The following FRMD4A variants were observed in gnomAD, a reference collection of about 807,000 sequenced individuals.
The protein encoded by FRMD4A is FERM domain containing 4A.
A neutral mutation model predicts 129.1 loss-of-function variants in FRMD4A; 29 were observed. The ratio of observed to expected loss-of-function variants is 0.22; its 90% CI spans 0.17 to 0.31. The LOEUF is 0.31. Ranked by LOEUF, FRMD4A falls within the 10% of genes least tolerant of loss-of-function variation. The pLI is 1.00. For missense variants in FRMD4A, 1,272 were observed against 1,375.8 expected, an observed-to-expected ratio of 0.92 and a Z score of 1.19; for synonymous variants, 634 against 571.6, an observed-to-expected ratio of 1.11 and a Z score of -1.56.
intron 5 of FRMD4A, among the ~76,000 whole-genome samples, chr10:13,790,456 G>A (rs1255811144): frequency 6.6e-6 from 1 of 152,196 alleles, no homozygotes; most frequent in East Asian, 1.9e-4. Context: ...TGCAGGGAGA[G>A]AAGACAAGCA....
At chr10:14,008,290 GAA>G (rs1335203862) in intron 2 of FRMD4A, 3 of 1,037,348 alleles carry the variant, frequency 2.9e-6, no homozygotes, top group Non-Finnish European at 3.5e-6. Context: ...TCAAATAACT[GAA>G]AGAGTTTTTC....
rs1035069418 is a variant in FRMD4A, at chr10:13,679,870, C to T, written c.1118-4826G>A. Among the ~76,000 whole-genome samples, 12 of 152,082 alleles carry T rather than the reference C, an allele frequency of 7.9e-5. No homozygotes were observed. The South Asian group carries it at 8.3e-4, about 10-fold the overall frequency. ...AGAGGTGGCCGAGTGCCCAGTGACA[C>T]GGACACACCAGCAACATTCCACAGA... On this transcript the variant is annotated intron_variant, in intron 15 of 24. Coordinates refer to ENST00000357447, the MANE Select transcript of FRMD4A (RefSeq NM_018027.5).
intron 2 of FRMD4A, among the ~76,000 whole-genome samples, chr10:13,919,342 T>C (rs1189576913): frequency 6.6e-6 from 1 of 152,214 alleles, no homozygotes; most frequent in Non-Finnish European, 1.5e-5. Flanking sequence ...TAGATGCCTA[T>C]ATTTTCCAAT....
intron 2 of FRMD4A, among the ~76,000 whole-genome samples, chr10:13,982,500 G>T (rs565949309): frequency 1.2e-3 from 160 of 130,206 alleles, no homozygotes; most frequent in Non-Finnish European, 2.1e-3. Flanking sequence ...GGAGGGGAGG[G>T]GGGGGAAGGG....
chr10:14,136,695 C>T lies in FRMD4A; in HGVS notation c.45+193363G>A, dbSNP rs113981063. On this transcript the variant is annotated intron_variant, in intron 2 of 24. Coordinates refer to ENST00000357447, the MANE Select transcript of FRMD4A (RefSeq NM_018027.5). ...CATCCCCACCCGCTTCCAGTTGTCT[C>T]GCCTTTCCTGGCTGAACCAATGTAC... 1.9e-4 allele frequency among the ~76,000 whole-genome samples: 28 copies of T among 150,776 alleles called. 1 individual carries two copies. The highest frequency in any genetic ancestry group is 6.5e-4 in the African/African-American group (27 of 41,308).
intron 2 of FRMD4A, among the ~76,000 whole-genome samples, chr10:13,931,094 C>A (rs768740145): frequency 6.6e-6 from 1 of 152,192 alleles, no homozygotes; most frequent in Admixed American, 6.5e-5. Context: ...TTCAGCCTCC[C>A]AAAGCCTTTG....
At chr10:14,199,484 G>C (rs1046186831) in intron 2 of FRMD4A, among the ~76,000 whole-genome samples, 2 of 151,648 alleles carry the variant, frequency 1.3e-5, no homozygotes, top group African/African-American at 4.8e-5. Flanking sequence ...CCACCTCCCG[G>C]GCTCAAGCAA....
At position 14,330,880 on chromosome 10, in the gene FRMD4A, C is replaced by T. The variant is rs1162666748; in HGVS notation, c.-365G>A. On this transcript the variant is annotated 5_prime_UTR_variant, in exon 1 of 25. Coordinates refer to ENST00000357447, the MANE Select transcript of FRMD4A (RefSeq NM_018027.5). ...GGAATTGCACTGCCTGTTCTGTGAG[C>T]GTTCTGATCTCCCTGGCTGTACCAC... The T allele has an allele frequency of 7.5e-6, 3 of 398,678 alleles. No individual in the cohort carries two copies. Among genetic ancestry groups the T allele is most frequent in the East Asian group, 3.6e-5 (1 of 28,064 alleles). 24.7% of individuals were successfully genotyped at this position (398,678 alleles called of 1,614,324 possible).
chr10:13,954,820 CTGG>C (rs2095398881), intron 2 of FRMD4A, among the ~76,000 whole-genome samples: 2 of 152,236 alleles, frequency 1.3e-5, no homozygotes, highest in South Asian at 4.1e-4. Flanking sequence ...TTTCAGAGTG[CTGG>C]TGTTTGGTGC....
intron 2 of FRMD4A, among the ~76,000 whole-genome samples, chr10:14,283,723 G>A (rs1845593580): frequency 6.6e-6 from 1 of 152,276 alleles, no homozygotes; most frequent in African/African-American, 2.4e-5. Flanking sequence ...CAACAACTTT[G>A]TTATTTTGCA....
At chr10:13,884,144 T>TCACCCACACACA (rs773933481) in intron 2 of FRMD4A, among the ~76,000 whole-genome samples, 1 of 105,098 alleles carries the variant, frequency 9.5e-6, no homozygotes, top group African/African-American at 4.1e-5. Flanking sequence ...TCACACACAC[T>TCACCCACACACA]CTCACACACT....
chr10:13,684,623 C>T (rs973422850), intron 15 of FRMD4A: 6 of 985,194 alleles, frequency 6.1e-6, no homozygotes, highest in East Asian at 1.1e-4. Context: ...AGACCCTGGG[C>T]GACTCAGCAC....
chr10:13,956,128 A>T (rs1398264121), intron 2 of FRMD4A, among the ~76,000 whole-genome samples: 1 of 152,146 alleles, frequency 6.6e-6, no homozygotes, highest in Non-Finnish European at 1.5e-5. Context: ...GTGCTAAGTG[A>T]TTTAGGTAGA....
At chr10:13,982,930 G>A (rs1004202608) in intron 2 of FRMD4A, among the ~76,000 whole-genome samples, 1 of 152,120 alleles carries the variant, frequency 6.6e-6, no homozygotes, top group Non-Finnish European at 1.5e-5. Flanking sequence ...CCCTCTATTT[G>A]CAGGTCCTCT....
At chr10:14,278,515 C>G (rs967606223) in intron 2 of FRMD4A, among the ~76,000 whole-genome samples, 17 of 152,140 alleles carry the variant, frequency 1.1e-4, no homozygotes, top group South Asian at 2.1e-4. Context: ...TTCCTTTCAG[C>G]GACTCCTCCA....
At chr10:14,210,068 G>T (rs984932441) in intron 2 of FRMD4A, among the ~76,000 whole-genome samples, 2 of 152,202 alleles carry the variant, frequency 1.3e-5, no homozygotes, top group African/African-American at 4.8e-5. Flanking sequence ...AGTGAGAGAA[G>T]AAATTTCTGT....
At chr10:13,715,286 C>T (rs557532432) in intron 12 of FRMD4A, among the ~76,000 whole-genome samples, 1 of 152,242 alleles carries the variant, frequency 6.6e-6, no homozygotes, top group South Asian at 2.1e-4. Flanking sequence ...GGCATTCCTA[C>T]ATTCTGTGCA....
intron 2 of FRMD4A, chr10:14,074,800 G>T (rs1354275099): frequency 6.6e-6 from 1 of 152,170 alleles, no homozygotes; most frequent in Non-Finnish European, 1.5e-5. Flanking sequence ...ATACAGGACA[G>T]GAGGGAATTT....
chr10:14,230,098 C>T (rs1331614290), intron 2 of FRMD4A, among the ~76,000 whole-genome samples: 1 of 152,200 alleles, frequency 6.6e-6, no homozygotes, highest in Non-Finnish European at 1.5e-5. Flanking sequence ...TTTCTAATGA[C>T]AGCCATGTAT....
Sources: gnomAD v4.1 joint callset for allele counts (sites outside exome capture counted in the v4.1 genomes callset) on GRCh38, gnomAD v4.1.1 for gene constraint, MANE v1.5 for transcripts, NCBI Gene and HGNC (gene_info 2026-07-23, HGNC 2026-07-21) for gene names.